Variants in SEL1L3 observed in about 807,000 individuals in gnomAD.
SEL1L3 encodes protein sel-1 homolog 3.
A neutral mutation model predicts 142.8 loss-of-function variants in SEL1L3; 76 were observed. That is an observed-to-expected ratio of 0.53 (90% confidence interval 0.44 to 0.64). The LOEUF is 0.64. SEL1L3 is among the 30% of genes least tolerant of loss of function. The pLI, the probability that SEL1L3 is intolerant of heterozygous loss-of-function variation, is 0.00. For synonymous variants in SEL1L3, 504 were observed against 519.6 expected (o/e 0.97, Z 0.41); for missense variants, 1,262 against 1,381.7 (o/e 0.91, Z 1.37).
At chr4:25,838,720 A>T (rs1715987004) in intron 2 of SEL1L3, among the ~76,000 whole-genome samples, 1 of 152,186 alleles carries the variant, frequency 6.6e-6, no homozygotes, top group African/African-American at 2.4e-5. Flanking sequence ...CGGCTTCAGC[A>T]CTAAGGCTAG....
chr4:25,801,777 G>A (rs534244698), intron 11 of SEL1L3, among the ~76,000 whole-genome samples: 7 of 152,088 alleles, frequency 4.6e-5, no homozygotes, highest in Non-Finnish European at 1.0e-4. Flanking sequence ...CTCATGGCAT[G>A]GGGACAGACA....
chr4:25,799,131 G>A (rs900651922), intron 11 of SEL1L3, among the ~76,000 whole-genome samples: 1 of 152,128 alleles, frequency 6.6e-6, no homozygotes, highest in Non-Finnish European at 1.5e-5. Context: ...CTGGAGTGCA[G>A]TGGCATGATC....
intron 23 of SEL1L3, among the ~76,000 whole-genome samples, chr4:25,751,593 A>C (rs1474406937): frequency 6.6e-6 from 1 of 151,946 alleles, no homozygotes; most frequent in African/African-American, 2.4e-5. Context: ...AATGCGAGCC[A>C]GGAGTCAAAC....
chr4:25,818,386 G>T, intron 8 of SEL1L3, 108 bp from the exon 9 acceptor site: 1 of 1,039,718 alleles, frequency 9.6e-7, no homozygotes, highest in Non-Finnish European at 1.3e-6. Flanking sequence ...GCCATTACTG[G>T]ATGTTGGTTT....
chr4:25,775,258 G>A (rs1719535643), intron 17 of SEL1L3, among the ~76,000 whole-genome samples: 1 of 152,202 alleles, frequency 6.6e-6, no homozygotes, highest in South Asian at 2.1e-4. Context: ...ACAGGATGAT[G>A]ATAATAAAAA....
chr4:25,749,985 G>C (rs1717482319), intron 23 of SEL1L3, among the ~76,000 whole-genome samples: 1 of 152,054 alleles, frequency 6.6e-6, no homozygotes. Context: ...TGTAATCCCA[G>C]CACTTCGGGA....
Position 25,748,507 on chromosome 4 carries a change from G to T in SEL1L3, c.3317C>A (p.Ala1106Glu). ...QASPDTATSTASPAVTPAADA... is the reference protein window; with the variant it reads ...QASPDTATSTESPAVTPAADA... ...TGCAGCTGGAGTCACAGCTGGACTT[G>T]CAGTGGACGTGGCAGTGTCTGGGGA... Residue 1106 changes from alanine (A) to glutamate (E), a missense_variant, in exon 24 of 24, where the codon GCA becomes GAA. Around this residue, in one of 3 missense-constraint regions of SEL1L3, gnomAD observed 138 missense variants for 129.7 expected, o/e 1.06. Coordinates refer to ENST00000399878, the MANE Select transcript of SEL1L3 (RefSeq NM_015187.5). 6.2e-7 allele frequency: 1 copy of T among 1,612,050 alleles called. No individual in the cohort carries two copies. Among genetic ancestry groups the T allele is most frequent in the Non-Finnish European group, 8.5e-7 (1 of 1,179,170 alleles).
intron 5 of SEL1L3, 134 bp downstream of exon 5, chr4:25,832,861 C>A: frequency 3.3e-6 from 2 of 599,650 alleles, no homozygotes; most frequent in Middle Eastern, 2.6e-4. Flanking sequence ...ATTTAGCAAG[C>A]GTGTAGTTGT....
At chr4:25,723,195 G>GTTA in the SEL1L3 span, among the ~76,000 whole-genome samples, 12 of 152,200 alleles carry the variant, frequency 7.9e-5, no homozygotes, top group African/African-American at 2.9e-4. Flanking sequence ...ATAGTAAAAG[G>GTTA]TTATGCCCTT....
At chr4:25,794,036 A>G (rs761966944) in intron 11 of SEL1L3, among the ~76,000 whole-genome samples, 1 of 152,256 alleles carries the variant, frequency 6.6e-6, no homozygotes, top group Non-Finnish European at 1.5e-5. Context: ...AAGATGGACT[A>G]AATACTTAAA....
intron 1 of SEL1L3, among the ~76,000 whole-genome samples, chr4:25,861,296 T>G (rs920343519): frequency 6.6e-6 from 1 of 152,252 alleles, no homozygotes; most frequent in Admixed American, 6.5e-5. Context: ...ATATCATTCA[T>G]GTTAACTGAC....
chr4:25,742,116 C>A, the SEL1L3 span, among the ~76,000 whole-genome samples: 1 of 151,006 alleles, frequency 6.6e-6, no homozygotes, highest in Non-Finnish European at 1.5e-5. Context: ...CCGGCCAAAT[C>A]TTACGTTTTC....
chr4:25,817,337 A>G (rs1714449611), intron 9 of SEL1L3, among the ~76,000 whole-genome samples: 1 of 152,188 alleles, frequency 6.6e-6, no homozygotes, highest in African/African-American at 2.4e-5. Context: ...GCCTCCCACC[A>G]CTAAGACAGT....
At chr4:25,723,850 A>T in the SEL1L3 span, among the ~76,000 whole-genome samples, 1 of 152,132 alleles carries the variant, frequency 6.6e-6, no homozygotes, top group Non-Finnish European at 1.5e-5. Context: ...ATAACAGTGA[A>T]CTTGAACTTC....
At chr4:25,858,709 C>T (rs1459421570) in intron 1 of SEL1L3, among the ~76,000 whole-genome samples, 1 of 152,056 alleles carries the variant, frequency 6.6e-6, no homozygotes, top group African/African-American at 2.4e-5. Flanking sequence ...TCTCAGCCTC[C>T]CAAGTAGCTG....
chr4:25,797,330 T>C (rs73103966), intron 11 of SEL1L3, among the ~76,000 whole-genome samples: 57,431 of 151,880 alleles, frequency 0.38, 11,130 homozygotes, highest in Middle Eastern at 0.52. Flanking sequence ...CAGGCAGTTG[T>C]GGAGCCTGCA....
intron 23 of SEL1L3, chr4:25,756,567 G>C: frequency 1.1e-6 from 1 of 940,436 alleles, no homozygotes; most frequent in Non-Finnish European, 1.3e-6. Context: ...AGAAATTTGG[G>C]GATCAGGAAG....
chr4:25,840,108 G>A (rs1327132602), intron 2 of SEL1L3, among the ~76,000 whole-genome samples: 4 of 152,150 alleles, frequency 2.6e-5, no homozygotes, highest in Admixed American at 6.5e-5. Context: ...CCTGAGCCTC[G>A]GTTTTCCTCT....
intron 1 of SEL1L3, among the ~76,000 whole-genome samples, chr4:25,858,576 T>TTTTTG (rs958556295): frequency 3.3e-5 from 5 of 151,792 alleles, no homozygotes; most frequent in Non-Finnish European, 7.4e-5. Flanking sequence ...TTTTTGATTT[T>TTTTTG]TTTGTTTGTT....
Sources: gnomAD v4.1 joint callset for allele counts (sites outside exome capture counted in the v4.1 genomes callset) on GRCh38, gnomAD v4.1.1 for gene constraint, gnomAD v4.1.1 regional missense constraint, MANE v1.5 for transcripts, NCBI Gene and HGNC (gene_info 2026-07-23, HGNC 2026-07-21) for gene names.